The following ACBD6 variants were observed in gnomAD, a reference collection of about 807,000 sequenced individuals.
The protein encoded by ACBD6 is acyl-CoA-binding domain-containing protein 6.
In ACBD6, 28 loss-of-function variants were observed where a neutral mutation model predicts 37.2. The ratio of observed to expected loss-of-function variants is 0.75; its 90% CI spans 0.56 to 1.03. The LOEUF (loss-of-function observed/expected upper bound fraction) is 1.03. ACBD6 is among the 50% of genes least tolerant of loss of function. The pLI is 0.00. For synonymous variants in ACBD6, 113 were observed against 126.8 expected (o/e 0.89, Z 0.73); for missense variants, 340 against 337.4 (o/e 1.01, Z -0.06).
chr1:180,456,624 A>G (rs906296065), intron 3 of ACBD6, among the ~76,000 whole-genome samples: 1 of 152,216 alleles, frequency 6.6e-6, no homozygotes, highest in African/African-American at 2.4e-5. Flanking sequence ...AACAGCAACA[A>G]CAAACATGCA....
chr1:180,363,058 C>T (rs1189484322), intron 6 of ACBD6, among the ~76,000 whole-genome samples: 4 of 152,166 alleles, frequency 2.6e-5, no homozygotes, highest in African/African-American at 9.7e-5. Context: ...AACTTATTAA[C>T]ATATTTTGCA....
At chr1:180,442,939 T>C (rs1571517728) in intron 3 of ACBD6, among the ~76,000 whole-genome samples, 2 of 152,210 alleles carry the variant, frequency 1.3e-5, no homozygotes, top group Admixed American at 1.3e-4. Flanking sequence ...ATCTTTATCA[T>C]TTCCACCATG....
At chr1:180,478,157 T>G (rs1650875706) in intron 3 of ACBD6, among the ~76,000 whole-genome samples, 1 of 152,118 alleles carries the variant, frequency 6.6e-6, no homozygotes, top group South Asian at 2.1e-4. Flanking sequence ...TACATCATTT[T>G]GGGATGTAAA....
At chr1:180,492,194 T>C (rs2102090215) in intron 3 of ACBD6, 75 bp downstream of exon 3, 4 of 1,074,362 alleles carry the variant, frequency 3.7e-6, no homozygotes, top group African/African-American at 1.6e-5. Context: ...TAAAACTAAG[T>C]TTAGTTTTAG....
intron 6 of ACBD6, among the ~76,000 whole-genome samples, chr1:180,333,640 C>T (rs1651574953): frequency 6.6e-6 from 1 of 152,216 alleles, no homozygotes; most frequent in Non-Finnish European, 1.5e-5. Context: ...CCGGGGTCAT[C>T]TCACTGGGGA....
In ACBD6 at chr1:180,271,376, G is replaced by A. The variant is rs2149266304; in HGVS notation, c.*1849C>T. On this transcript the variant is annotated 3_prime_UTR_variant, in exon 14 of 14. Coordinates refer to the ACBD6 transcript ENST00000642319. ...AGCCAGTAAGCAGTGGTTTTTCCTT[G>A]CAGATGACTCAGAGGCTGGAGCTAA... The A allele has an allele frequency of 2.5e-6, 4 of 1,614,174 alleles. No individual in the cohort carries two copies. In the East Asian group the frequency reaches 8.9e-5, roughly 36 times the overall value.
At chr1:180,387,257 T>C (rs570726480) in intron 6 of ACBD6, among the ~76,000 whole-genome samples, 2 of 152,324 alleles carry the variant, frequency 1.3e-5, no homozygotes, top group East Asian at 3.9e-4. Flanking sequence ...TCTGGGTTCT[T>C]TCCAGGACTC....
chr1:180,350,523 C>T (rs1652369111), intron 6 of ACBD6, among the ~76,000 whole-genome samples: 1 of 152,146 alleles, frequency 6.6e-6, no homozygotes, highest in African/African-American at 2.4e-5. Context: ...TCCCTTTCTC[C>T]CTAGTAACAG....
chr1:180,463,841 C>T (rs914555835), intron 3 of ACBD6, among the ~76,000 whole-genome samples: 5 of 152,114 alleles, frequency 3.3e-5, no homozygotes, highest in Admixed American at 1.3e-4. Context: ...AGCAGCACAT[C>T]AAAAAGCTTA....
intron 6 of ACBD6, among the ~76,000 whole-genome samples, chr1:180,381,280 C>T (rs1308867381): frequency 6.6e-6 from 1 of 152,168 alleles, no homozygotes; most frequent in Non-Finnish European, 1.5e-5. Flanking sequence ...GACTTTAATA[C>T]ACCATTTTCG....
In ACBD6 at chr1:180,484,521, T is replaced by A. The variant is rs113817150; in HGVS notation, c.384+7748A>T. On this transcript the variant is annotated intron_variant, in intron 3 of 7. Transcript: ENST00000367595. ...CTGTTGGAGAAAGGAGTTACAAATA[T>A]GAAAGAGGGAAGGCTATCATGTACC... Among the ~76,000 whole-genome samples the A allele has an allele frequency of 5.0e-3, 759 of 152,206 alleles. 6 individuals carry two copies. The highest frequency in any genetic ancestry group is 0.017 in the African/African-American group (705 of 41,520).
At chr1:180,271,943 AAGC>A (rs1648692526) in exon 14 of ACBD6, 1 of 1,613,382 alleles carries the variant, frequency 6.2e-7, no homozygotes, top group Admixed American at 1.7e-5. Flanking sequence ...GGGCAGCAGC[AAGC>A]AGGAGAAGGA....
At chr1:180,490,325 G>A (rs1473968945) in intron 3 of ACBD6, among the ~76,000 whole-genome samples, 13 of 152,112 alleles carry the variant, frequency 8.5e-5, no homozygotes, top group Non-Finnish European at 1.5e-4. Context: ...TAATAAAATA[G>A]AAAATTTCTG....
intron 3 of ACBD6, among the ~76,000 whole-genome samples, chr1:180,464,890 T>C (rs926810830): frequency 4.6e-5 from 7 of 152,062 alleles, no homozygotes; most frequent in African/African-American, 1.7e-4. Flanking sequence ...CTCATATCTA[T>C]GACCAACTGA....
chr1:180,411,708 C>T (rs547339348), intron 5 of ACBD6, among the ~76,000 whole-genome samples: 1 of 152,174 alleles, frequency 6.6e-6, no homozygotes, highest in African/African-American at 2.4e-5. Flanking sequence ...CTCTGTTGCC[C>T]AGGCTGGAGT....
chr1:180,383,608 C>T (rs1313039079), intron 6 of ACBD6, among the ~76,000 whole-genome samples: 2 of 152,130 alleles, frequency 1.3e-5, no homozygotes, highest in African/African-American at 4.8e-5. Context: ...AAGTAATCTA[C>T]AGATTCAATG....
intron 9 of ACBD6, among the ~76,000 whole-genome samples, chr1:180,279,454 G>A (rs185290791): frequency 8.5e-4 from 129 of 152,120 alleles, no homozygotes; most frequent in Non-Finnish European, 2.4e-4. Flanking sequence ...GCGCAAACAC[G>A]CCTGGCTAAT....
intron 6 of ACBD6, among the ~76,000 whole-genome samples, chr1:180,395,671 G>A (rs980508467): frequency 6.6e-6 from 1 of 152,110 alleles, no homozygotes; most frequent in Non-Finnish European, 1.5e-5. Context: ...ACAAGGATGC[G>A]GAGAAATTTG....
At chr1:180,290,440 G>A (rs1649658695) in intron 7 of ACBD6, among the ~76,000 whole-genome samples, 1 of 152,214 alleles carries the variant, frequency 6.6e-6, no homozygotes, top group Admixed American at 6.5e-5. Flanking sequence ...GCCTCCCAAA[G>A]TGCTGGGATT....
Sources: gnomAD v4.1 joint callset for allele counts (sites outside exome capture counted in the v4.1 genomes callset) on GRCh38, gnomAD v4.1.1 for gene constraint, MANE v1.5 for transcripts, NCBI Gene and HGNC (gene_info 2026-07-23, HGNC 2026-07-21) for gene names.